The following HHLA1 variants were observed in gnomAD, a reference collection of about 807,000 sequenced individuals.
The protein encoded by HHLA1 is HHLA1 neighbor of OC90.
In HHLA1, 72 loss-of-function variants were observed where a neutral mutation model predicts 69.9. That is an observed-to-expected ratio of 1.03 (90% CI 0.85 to 1.25). HHLA1 has a LOEUF of 1.25. Ranked by LOEUF, HHLA1 falls within the 50% of genes most tolerant of loss-of-function variation. The pLI is 0.00. For missense variants in HHLA1, 685 were observed against 642.2 expected (o/e 1.07, Z -0.72); for synonymous variants, 252 against 233.2 (o/e 1.08, Z -0.73).
rs762895215 is a variant in HHLA1, at chr8:132,079,763, C to A, written c.880G>T (p.Ala294Ser). ...GAGGCACTGAACCATGTGGCTGTGG[C>A]CCTGGCTGGAAGCTCAGGAGGCCTG... is the stretch of plus-strand genomic sequence containing the variant. ...TGRPPELPARATATWFSASHT... is the reference protein window; with the variant it reads ...TGRPPELPARSTATWFSASHT... The change falls in exon 11 of 17, where the codon GCC (alanine) becomes TCC (serine). Residue 294 changes from alanine to serine, a missense_variant. Coordinates refer to ENST00000414222, the MANE Select transcript of HHLA1 (RefSeq NM_001145095.3). 11 of 1,551,376 alleles carry A rather than the reference C, an allele frequency of 7.1e-6. No individual in the cohort carries two copies. The highest frequency in any genetic ancestry group is 4.1e-5 in the African/African-American group (3 of 73,042).
intron 3 of HHLA1, among the ~76,000 whole-genome samples, chr8:132,103,426 T>G (rs976630815): frequency 6.6e-6 from 1 of 152,170 alleles, no homozygotes; most frequent in Non-Finnish European, 1.5e-5. Context: ...ATGACCTGCC[T>G]GGGCAACATG....
chr8:132,076,620 A>C, intron 12 of HHLA1, 77 bp from the exon 13 acceptor site: 1 of 885,414 alleles, frequency 1.1e-6, no homozygotes. Flanking sequence ...AGGGCCACCT[A>C]TCCTGCCCTA....
At chr8:132,105,142 C>G in intron 2 of HHLA1, 45 bp downstream of exon 2, 1 of 1,411,786 alleles carries the variant, frequency 7.1e-7, no homozygotes, top group Non-Finnish European at 9.8e-7. Context: ...AATACTCCAA[C>G]TTATTATACA....
chr8:132,071,197 G>C, intron 15 of HHLA1, 143 bp downstream of exon 15: 1 of 636,466 alleles, frequency 1.6e-6, no homozygotes, highest in Non-Finnish European at 2.7e-6. Context: ...GGACTCACTG[G>C]AGAGTCCCTT....
chr8:132,094,429 C>G (rs968070618), intron 7 of HHLA1, among the ~76,000 whole-genome samples: 2 of 152,186 alleles, frequency 1.3e-5, no homozygotes, highest in Non-Finnish European at 2.9e-5. Flanking sequence ...CCACTTTGCC[C>G]TCACCAATCA....
intron 16 of HHLA1, among the ~76,000 whole-genome samples, chr8:132,065,648 G>A (rs928897046): frequency 2.0e-5 from 3 of 152,222 alleles, no homozygotes; most frequent in Non-Finnish European, 4.4e-5. Context: ...TTCACGCAGA[G>A]AGCAAAAGTG....
At chr8:132,078,521 G>C (rs1230900418) in intron 11 of HHLA1, among the ~76,000 whole-genome samples, 1 of 152,118 alleles carries the variant, frequency 6.6e-6, no homozygotes, top group African/African-American at 2.4e-5. Flanking sequence ...TAATGGAGTT[G>C]ATTTATTTTC....
At chr8:132,105,595 C>T (rs746256926) in intron 1 of HHLA1, among the ~76,000 whole-genome samples, 1 of 152,188 alleles carries the variant, frequency 6.6e-6, no homozygotes, top group Non-Finnish European at 1.5e-5. Context: ...ACTGTAGCCT[C>T]CTTAGACTTT....
chr8:132,082,073 T>C lies in HHLA1; in HGVS notation c.677-2107A>G, dbSNP rs569317288. ...CAGGTGGATCAGAGAGATACAGTAA[T>C]GGGGGCCAGGTGTGGTATCAGGAAT... is the stretch of plus-strand genomic sequence containing the variant. On this transcript the variant is annotated intron_variant, in intron 10 of 16. Coordinates refer to ENST00000414222, the MANE Select transcript of HHLA1 (RefSeq NM_001145095.3). Among the ~76,000 whole-genome samples the C allele has an allele frequency of 2.2e-4, 33 of 152,090 alleles. No individual in the cohort carries two copies. In the South Asian group the frequency reaches 6.2e-3, roughly 29 times the overall value.
rs186987964 is a variant in HHLA1 at position 132,062,037 on chromosome 8, T to C, written c.*1958A>G. ...CCAAGCCATCCATCCATTCTTCACC[T>C]TCCTTGATGATAAGTTACTCTTTGA... On this transcript the variant is annotated 3_prime_UTR_variant, in exon 17 of 17. Coordinates refer to ENST00000414222, the MANE Select transcript of HHLA1 (RefSeq NM_001145095.3). The C allele has an allele frequency of 2.0e-5, 3 of 152,316 alleles. No individual in the cohort carries two copies. Among genetic ancestry groups the C allele is most frequent in the Admixed American group, 1.3e-4 (2 of 15,300 alleles). The allele number at this position is 152,316 out of a possible 1,614,324, so 9.4% of individuals were successfully genotyped here.
chr8:132,076,003 C>G, intron 14 of HHLA1, 52 bp downstream of exon 14: 1 of 1,301,442 alleles, frequency 7.7e-7, no homozygotes, highest in Non-Finnish European at 1.1e-6. Context: ...TACTACATGA[C>G]CTTGTTCAAA....
chr8:132,069,124 C>T (rs1181974676), intron 15 of HHLA1, among the ~76,000 whole-genome samples: 1 of 152,050 alleles, frequency 6.6e-6, no homozygotes, highest in Non-Finnish European at 1.5e-5. Context: ...GACTTGGTCT[C>T]CCATCTTTGC....
chr8:132,088,710 G>A (rs1191987578), intron 8 of HHLA1, among the ~76,000 whole-genome samples: 1 of 152,192 alleles, frequency 6.6e-6, no homozygotes, highest in Non-Finnish European at 1.5e-5. Context: ...TGACATAAGA[G>A]CACAGGCTAA....
rs1383696871 is a variant in HHLA1, at chr8:132,070,397, C to T, written c.1469+943G>A. ...ATGAAAGAACTGGAATTTAGATAGA[C>T]ATATCTTCTAATTATTCTCTCCTAG... On this transcript the variant is annotated intron_variant, in intron 15 of 16. Transcript: ENST00000414222. 2 of 701,854 alleles carry T rather than the reference C, an allele frequency of 2.8e-6. 1 individual carries two copies. The highest frequency in any genetic ancestry group is 4.0e-5 in the Admixed American group (2 of 49,970). The allele number at this position is 701,854 out of a possible 1,614,324, so 43.5% of individuals were successfully genotyped here. A position where few individuals can be genotyped will look rare whatever the true frequency, so the allele number is the denominator to read the frequency against.
rs199597637 is a variant in HHLA1, at chr8:132,077,817, G to A, written c.1080C>T (p.Thr360=). The A allele has an allele frequency of 6.9e-4, 1,073 of 1,551,536 alleles. 4 individuals carry two copies. The highest frequency in any genetic ancestry group is 6.8e-3 in the Middle Eastern group (41 of 5,992). ...TRSSPPTTAG[T]EEAMNTTSLL... is the part of the protein sequence containing the mutation. ...GGCTTGTAGTGTTCATGGCTTCCTC[G>A]GTCCCTGCAGTAGTCGGTGGGGAAG... Residue 360 remains threonine (T), a synonymous_variant, in exon 12 of 17, where the codon ACC becomes ACT. Transcript: ENST00000414222.
intron 2 of HHLA1, among the ~76,000 whole-genome samples, chr8:132,104,468 G>A (rs1824170924): frequency 6.6e-6 from 1 of 152,184 alleles, no homozygotes; most frequent in Non-Finnish European, 1.5e-5. Context: ...GTGAGGGTGT[G>A]TAACAGGGGG....
At chr8:132,110,757 C>G (rs1824283782) in intron 1 of HHLA1, among the ~76,000 whole-genome samples, 1 of 152,172 alleles carries the variant, frequency 6.6e-6, no homozygotes, top group South Asian at 2.1e-4. Flanking sequence ...TTAGCGCACT[C>G]TTTTATCCTC....
chr8:132,102,835 C>G (rs1190113596), intron 3 of HHLA1, among the ~76,000 whole-genome samples: 1 of 148,378 alleles, frequency 6.7e-6, no homozygotes, highest in Non-Finnish European at 1.5e-5. Flanking sequence ...ATTCCTTTCA[C>G]CAAGGAAAGA....
Position 132,085,884 on chromosome 8 carries a change from A to T in HHLA1, c.676+1769T>A, listed in dbSNP as rs1442246257. Among the ~76,000 whole-genome samples the T allele has an allele frequency of 2.0e-5, 3 of 151,198 alleles. No homozygotes were observed. In the East Asian group the frequency reaches 5.9e-4, roughly 30 times the overall value. Reference sequence around the variant, plus strand: ...CTTTTGTGGTGGAATGTCATCAGTTAAGGTGGGGCAGGGCATATTCACTTC... The same window carrying T: ...CTTTTGTGGTGGAATGTCATCAGTTTAGGTGGGGCAGGGCATATTCACTTC... On this transcript the variant is annotated intron_variant, in intron 10 of 16. Coordinates refer to ENST00000414222, the MANE Select transcript of HHLA1 (RefSeq NM_001145095.3).
Sources: allele counts gnomAD v4.1 joint callset (sites outside exome capture counted in the v4.1 genomes callset), GRCh38; gene constraint gnomAD v4.1.1; transcripts MANE v1.5; gene names NCBI Gene and HGNC (gene_info 2026-07-23, HGNC 2026-07-21).